The following ZNF827 variants were observed in gnomAD, a reference collection of about 807,000 sequenced individuals.
The protein encoded by ZNF827 is zinc finger protein 827.
Under a neutral mutation model 102.4 loss-of-function variants are expected in ZNF827, and 13 were observed. The observed-to-expected ratio is 0.13, with a 90% CI of 0.08 to 0.20. ZNF827 has a LOEUF of 0.20. Among genes scored for constraint, ZNF827 ranks in the 10% least tolerant of loss-of-function variants. The probability of loss-of-function intolerance (pLI) is 1.00; values close to 1 mark genes in which losing one functional copy is unlikely to be tolerated. For synonymous variants in ZNF827, 523 were observed against 536.2 expected (o/e 0.98, Z 0.34); for missense variants, 1,103 against 1,344.4 (o/e 0.82, Z 2.81).
chr4:145,766,843 AGGTCT>A (rs1301303433), intron 11 of ZNF827, among the ~76,000 whole-genome samples: 6 of 152,318 alleles, frequency 3.9e-5, no homozygotes, highest in Middle Eastern at 3.4e-3. Context: ...AAACTAAGAA[AGGTCT>A]CTTAGTAGTG....
At chr4:145,781,643 G>T (rs373564954) in intron 8 of ZNF827, among the ~76,000 whole-genome samples, 2 of 151,858 alleles carry the variant, frequency 1.3e-5, no homozygotes, top group African/African-American at 4.8e-5. Flanking sequence ...GTGAAGAGAA[G>T]TAAAAAAAAA....
intron 7 of ZNF827, among the ~76,000 whole-genome samples, chr4:145,837,844 T>C (rs1745010611): frequency 6.6e-6 from 1 of 152,116 alleles, no homozygotes. Flanking sequence ...AAATGTTTCT[T>C]CTAACATCCC....
chr4:145,843,716 T>C (rs1317346966), intron 7 of ZNF827, among the ~76,000 whole-genome samples: 1 of 152,068 alleles, frequency 6.6e-6, no homozygotes, highest in Non-Finnish European at 1.5e-5. Flanking sequence ...TACCCCGGAG[T>C]TTGCGTAAGT....
Position 145,761,326 on chromosome 4 carries a change from C to G in ZNF827, c.*290G>C, listed in dbSNP as rs779640560. The G allele has an allele frequency of 3.9e-6, 5 of 1,289,944 alleles. No individual in the cohort carries two copies. Among genetic ancestry groups the G allele is most frequent in the Non-Finnish European group, 4.0e-6 (4 of 988,888 alleles). 79.9% of individuals were successfully genotyped at this position (1,289,944 alleles called of 1,614,324 possible). On this transcript the variant is annotated 3_prime_UTR_variant, in exon 15 of 15. Transcript: ENST00000508784. The surrounding 1 kb of genome is among the most constrained non-coding windows in gnomAD (Gnocchi z 6.8). ...CAGGTTGAGATTGTCCTTGCGCTTG[C>G]AGCTGTAGCTGCACTGGTCACAGTG... is the stretch of plus-strand genomic sequence containing the variant.
intron 5 of ZNF827, among the ~76,000 whole-genome samples, chr4:145,858,678 T>C (rs1171097183): frequency 6.7e-6 from 1 of 149,006 alleles, no homozygotes; most frequent in African/African-American, 2.5e-5. Context: ...TGAAAAAATA[T>C]ATAACTCCTG....
chr4:145,933,793 AAAAAAAAC>A (rs1276860364), intron 1 of ZNF827, among the ~76,000 whole-genome samples: 6 of 151,500 alleles, frequency 4.0e-5, no homozygotes, highest in Admixed American at 6.6e-5. Context: ...TGGTGAAAAA[AAAAAAAAC>A]AAAAAAACAA....
chr4:145,896,045 G>A (rs1025224380), intron 2 of ZNF827, among the ~76,000 whole-genome samples: 1 of 152,130 alleles, frequency 6.6e-6, no homozygotes, highest in Non-Finnish European at 1.5e-5. Context: ...TGCTCCTCTG[G>A]AGAAAACATA....
At chr4:145,891,890 A>C (rs1750634664) in intron 3 of ZNF827, among the ~76,000 whole-genome samples, 1 of 152,158 alleles carries the variant, frequency 6.6e-6, no homozygotes, top group South Asian at 2.1e-4. Context: ...GCTCTTCCTG[A>C]ACTTGGCTTT....
At chr4:145,766,131 G>A in intron 11 of ZNF827, among the ~76,000 whole-genome samples, 1 of 152,168 alleles carries the variant, frequency 6.6e-6, no homozygotes, top group East Asian at 1.9e-4. Flanking sequence ...AGGGAATGGA[G>A]TCACAGAAAG....
intron 8 of ZNF827, among the ~76,000 whole-genome samples, chr4:145,787,418 C>T (rs945374112): frequency 5.4e-5 from 8 of 147,150 alleles, no homozygotes; most frequent in African/African-American, 7.7e-5. Context: ...GCTGAGACCA[C>T]GCCATTGCAC....
At chr4:145,881,465 A>G (rs1749657917) in intron 4 of ZNF827, among the ~76,000 whole-genome samples, 1 of 152,244 alleles carries the variant, frequency 6.6e-6, no homozygotes, top group South Asian at 2.1e-4. Context: ...TTCCCAGCCA[A>G]CAAGTGAAGT....
At chr4:145,932,354 A>C (rs985162726) in intron 1 of ZNF827, among the ~76,000 whole-genome samples, 1 of 152,226 alleles carries the variant, frequency 6.6e-6, no homozygotes, top group East Asian at 1.9e-4. Context: ...GTCCAGACAG[A>C]ATCCGAACGC....
In ZNF827 at chr4:145,762,810, GT is replaced by G. The variant is rs1333885935; in HGVS notation, c.*17+279del. Among the ~76,000 whole-genome samples, 1 of 152,220 alleles carries G rather than the reference GT, an allele frequency of 6.6e-6. No homozygotes were observed. Among genetic ancestry groups the G allele is most frequent in the African/African-American group, 2.4e-5 (1 of 41,454 alleles). On this transcript the variant is annotated intron_variant, in intron 14 of 14. Coordinates refer to ENST00000508784, the MANE Select transcript of ZNF827 (RefSeq NM_001306215.2). The surrounding 1 kb of genome is among the most constrained non-coding windows in gnomAD (Gnocchi z 4.9). ...GTGGCTTATATGAGAACTGTAGTGT[GT>G]TTGCTCTCTTTCCACAAAGAATGCA...
intron 7 of ZNF827, among the ~76,000 whole-genome samples, chr4:145,836,834 T>C (rs1166002545): frequency 6.6e-6 from 1 of 151,936 alleles, no homozygotes; most frequent in Non-Finnish European, 1.5e-5. Context: ...TTCCTTTCCA[T>C]CGTGGAAATC....
intron 5 of ZNF827, among the ~76,000 whole-genome samples, chr4:145,856,231 C>G (rs755711024): frequency 6.6e-6 from 1 of 152,066 alleles, no homozygotes; most frequent in Non-Finnish European, 1.5e-5. Context: ...CCTGACCTCA[C>G]GTGATCTGTC....
chr4:145,845,599 C>T (rs1745851573), intron 7 of ZNF827, among the ~76,000 whole-genome samples: 1 of 152,178 alleles, frequency 6.6e-6, no homozygotes, highest in East Asian at 1.9e-4. Context: ...GATACAGACC[C>T]AGCCCCCAGT....
intron 8 of ZNF827, among the ~76,000 whole-genome samples, chr4:145,799,205 A>G (rs1740653223): frequency 6.6e-6 from 1 of 152,246 alleles, no homozygotes. Context: ...AAACCAAATG[A>G]AATTAACAGA....
chr4:145,883,728 C>A (rs986308980), intron 4 of ZNF827, among the ~76,000 whole-genome samples: 5 of 152,186 alleles, frequency 3.3e-5, no homozygotes, highest in Non-Finnish European at 1.5e-5. Context: ...CATTCACCCC[C>A]ACTCGGATTG....
chr4:145,847,161 TAA>T (rs751658762), intron 6 of ZNF827, among the ~76,000 whole-genome samples: 3 of 125,400 alleles, frequency 2.4e-5, no homozygotes, highest in Non-Finnish European at 3.5e-5. Flanking sequence ...CTCAAAAAAA[TAA>T]AAAAAAAAAA....
Sources: gnomAD v4.1 joint callset for allele counts (sites outside exome capture counted in the v4.1 genomes callset) on GRCh38, gnomAD v4.1.1 for gene constraint, Gnocchi (gnomAD v3.1) non-coding constraint, MANE v1.5 for transcripts, NCBI Gene and HGNC (gene_info 2026-07-23, HGNC 2026-07-21) for gene names.